CCNB2: variants seen among roughly 807,000 people sequenced by gnomAD.
The protein encoded by CCNB2 is cyclin B2.
A neutral mutation model predicts 51.1 loss-of-function variants in CCNB2; 39 were observed. The ratio of observed to expected loss-of-function variants is 0.76; its 90% confidence interval spans 0.59 to 1.00. The LOEUF is 1.00. Ranked by LOEUF, CCNB2 falls within the 50% of genes least tolerant of loss-of-function variation. The pLI is 0.00. For synonymous variants in CCNB2, 174 were observed against 165.5 expected (o/e 1.05, Z -0.40); for missense variants, 472 against 470.3 (o/e 1.00, Z -0.03).
chr15:59,123,886 G>A (rs2414620), intron 8 of CCNB2: 9,892 of 396,362 alleles, frequency 0.025, 307 homozygotes, highest in African/African-American at 0.094. Flanking sequence ...TCAACCAGTC[G>A]GTTACTCAAT....
intron 1 of CCNB2, 89 bp downstream of exon 1, chr15:59,105,381 G>C: frequency 7.1e-7 from 1 of 1,401,572 alleles, no homozygotes; most frequent in Non-Finnish European, 9.7e-7. Context: ...GAGCTTCTCC[G>C]TCCCAACCGG....
At chr15:59,117,423 T>C in intron 7 of CCNB2, 55 bp downstream of exon 7, 1 of 1,553,078 alleles carries the variant, frequency 6.4e-7, no homozygotes, top group Non-Finnish European at 8.8e-7. Context: ...TCCTTCGTAA[T>C]ACAAAAGGCC....
At chr15:59,109,850 G>A (rs911227700) in intron 3 of CCNB2, among the ~76,000 whole-genome samples, 1 of 152,114 alleles carries the variant, frequency 6.6e-6, no homozygotes, top group African/African-American at 2.4e-5. Context: ...GCCGGGCGAG[G>A]TGGTGGGCGC....
intron 7 of CCNB2, among the ~76,000 whole-genome samples, chr15:59,121,963 G>GAAA (rs2079303991): frequency 3.5e-5 from 4 of 112,940 alleles, no homozygotes; most frequent in African/African-American, 7.8e-5. Flanking sequence ...AAAAAAAAAG[G>GAAA]AGAAATTACC....
chr15:59,119,082 T>C (rs1157530523), intron 7 of CCNB2, among the ~76,000 whole-genome samples: 2 of 152,320 alleles, frequency 1.3e-5, no homozygotes, highest in East Asian at 3.8e-4. Flanking sequence ...ATGAGAGGAC[T>C]TCTGATTGTA....
At chr15:59,115,830 A>C (rs2079276587) in intron 5 of CCNB2, 1 of 152,156 alleles carries the variant, frequency 6.6e-6, no homozygotes, top group Admixed American at 6.6e-5. Context: ...TCCTGGGTTC[A>C]ATCAATCCTT....
chr15:59,105,663 T>C (rs991475049), intron 1 of CCNB2, among the ~76,000 whole-genome samples: 2 of 152,200 alleles, frequency 1.3e-5, no homozygotes, highest in Non-Finnish European at 2.9e-5. Flanking sequence ...TCCCTCCCCC[T>C]TTCTTACAAC....
intron 7 of CCNB2, among the ~76,000 whole-genome samples, chr15:59,118,657 C>T (rs1376300858): frequency 6.6e-6 from 1 of 152,242 alleles, no homozygotes. Context: ...GCACTCCAGC[C>T]TGGCGGACAG....
intron 3 of CCNB2, among the ~76,000 whole-genome samples, chr15:59,113,874 A>G (rs1216085194): frequency 6.6e-6 from 1 of 152,076 alleles, no homozygotes; most frequent in South Asian, 2.1e-4. Context: ...TAGTTTTTGT[A>G]TTTTTAAAGT....
Position 59,120,611 on chromosome 15 carries a change from GT to G in CCNB2, c.976-2904del, listed in dbSNP as rs201760881. ...TAATGACATAAAAAATAAAAGAGGG[GT>G]TCATTTTTAAAAATCAGAATACCAG... On this transcript the variant is annotated intron_variant, in intron 7 of 8. Coordinates refer to ENST00000288207, the MANE Select transcript of CCNB2 (RefSeq NM_004701.4). Among the ~76,000 whole-genome samples the G allele has an allele frequency of 2.6e-4, 40 of 152,012 alleles. No homozygotes were observed. In the East Asian group the frequency reaches 5.4e-3, roughly 21 times the overall value.
chr15:59,123,180 G>T (rs1214025522), intron 7 of CCNB2, among the ~76,000 whole-genome samples: 5 of 152,144 alleles, frequency 3.3e-5, no homozygotes, highest in Non-Finnish European at 7.3e-5. Flanking sequence ...ACTGTAAAGG[G>T]GCACTTTGTT....
intron 3 of CCNB2, among the ~76,000 whole-genome samples, chr15:59,113,929 G>A (rs28383523): frequency 0.023 from 3,497 of 152,264 alleles, 81 homozygotes; most frequent in African/African-American, 0.047. Flanking sequence ...CTTGAACTCC[G>A]GGGCTCAAGC....
rs1292765800 is a variant in CCNB2 at position 59,116,931 on chromosome 15, G to GT, written c.834+6dup. On this transcript the variant is annotated splice_donor_region_variant and intron_variant, in intron 6 of 8. Transcript: ENST00000288207. The stretch of plus-strand genomic sequence containing the variant: ...CGAGCATCAAAAGCCGGGGAGGTAA[G>GT]TGCCTCCAGCTCTGTAAGAGACTAT... 1 of 1,604,202 alleles carries GT rather than the reference G, an allele frequency of 6.2e-7. No individual in the cohort carries two copies. Among genetic ancestry groups the GT allele is most frequent in the Non-Finnish European group, 8.5e-7 (1 of 1,171,058 alleles).
At chr15:59,116,128 G>C (rs1443270649) in intron 5 of CCNB2, 1 of 152,278 alleles carries the variant, frequency 6.6e-6, no homozygotes, top group African/African-American at 2.4e-5. Context: ...ACCCTAGCCT[G>C]AGAGTCTGCC....
At chr15:59,108,769 C>T (rs2079246004) in intron 3 of CCNB2, among the ~76,000 whole-genome samples, 1 of 152,180 alleles carries the variant, frequency 6.6e-6, no homozygotes, top group African/African-American at 2.4e-5. Context: ...AATGTGGCAG[C>T]AACATCTGAA....
rs1257604213 is a variant in CCNB2, at chr15:59,114,364, T to C, written c.268-80T>C. 4 of 997,892 alleles carry C rather than the reference T, an allele frequency of 4.0e-6. No homozygotes were observed. In the African/African-American group the frequency reaches 6.5e-5, roughly 16 times the overall value. The allele number at this position is 997,892 out of a possible 1,614,324, so 61.8% of individuals were successfully genotyped here. On this transcript the variant is annotated intron_variant, in intron 3 of 8. Coordinates refer to ENST00000288207, the MANE Select transcript of CCNB2 (RefSeq NM_004701.4). ...TAACATATTTCAGATGTGCGTATGA[T>C]ATTGATATTTAAGCCAGTTGGCTCT...
intron 3 of CCNB2, among the ~76,000 whole-genome samples, chr15:59,114,093 GGGGCA>G (rs1179595405): frequency 3.9e-5 from 6 of 152,166 alleles, no homozygotes; most frequent in Non-Finnish European, 7.3e-5. Context: ...TATGGACATA[GGGGCA>G]AGAGCATTCT....
chr15:59,117,719 T>C (rs1349439634), intron 7 of CCNB2, among the ~76,000 whole-genome samples: 2 of 152,214 alleles, frequency 1.3e-5, no homozygotes, highest in African/African-American at 2.4e-5. Context: ...TCTGCCCACC[T>C]TGGCCTCCCA....
chr15:59,105,347 C>T, intron 1 of CCNB2, 55 bp downstream of exon 1: 27 of 1,527,644 alleles, frequency 1.8e-5, no homozygotes, highest in Non-Finnish European at 2.3e-5. Context: ...CCACAGCTCC[C>T]CTGTCGCTTC....
Sources: gnomAD v4.1 joint callset for allele counts (sites outside exome capture counted in the v4.1 genomes callset) on GRCh38, gnomAD v4.1.1 for gene constraint, MANE v1.5 for transcripts, NCBI Gene and HGNC (gene_info 2026-07-23, HGNC 2026-07-21) for gene names.